Variants in KHDRBS2 observed in about 807,000 individuals in gnomAD.
KHDRBS2 encodes the protein KH domain-containing, RNA-binding, signal transduction-associated protein 2.
Under a neutral mutation model 44.3 loss-of-function variants are expected in KHDRBS2, and 26 were observed. The observed-to-expected ratio is 0.59, with a 90% CI of 0.43 to 0.81. KHDRBS2 has a LOEUF of 0.81. KHDRBS2 is among the 40% of genes least tolerant of loss of function. The pLI is 0.00. For missense variants in KHDRBS2, 476 were observed against 433.1 expected (o/e 1.10, Z -0.88); for synonymous variants, 194 against 151.1 (o/e 1.28, Z -2.08).
At chr6:61,659,634 C>CTT in the KHDRBS2 span, among the ~76,000 whole-genome samples, 2 of 151,688 alleles carry the variant, frequency 1.3e-5, no homozygotes, top group African/African-American at 4.8e-5. Flanking sequence ...CTTCGGTGTT[C>CTT]TTTTCTTGCA....
chr6:62,171,201 A>C (rs557953971), intron 2 of KHDRBS2, among the ~76,000 whole-genome samples: 1 of 152,220 alleles, frequency 6.6e-6, no homozygotes, highest in African/African-American at 2.4e-5. Flanking sequence ...GAAAGTCAAA[A>C]TCTATTCCAA....
chr6:62,229,982 G>A (rs1563100951), intron 1 of KHDRBS2, among the ~76,000 whole-genome samples: 1 of 152,122 alleles, frequency 6.6e-6, no homozygotes, highest in Non-Finnish European at 1.5e-5. Context: ...TTATACATTG[G>A]CATTAGAAAC....
At chr6:61,620,635 C>T in the KHDRBS2 span, among the ~76,000 whole-genome samples, 1 of 152,278 alleles carries the variant, frequency 6.6e-6, no homozygotes, top group Non-Finnish European at 1.5e-5. Context: ...TTAGATCTTC[C>T]TTCAGGAGAA....
At chr6:62,071,015 T>G (rs954171822) in intron 2 of KHDRBS2, among the ~76,000 whole-genome samples, 1 of 152,208 alleles carries the variant, frequency 6.6e-6, no homozygotes, top group African/African-American at 2.4e-5. Flanking sequence ...TTTCCTGAAT[T>G]TTTAATGATC....
At chr6:61,847,300 C>A (rs1483065809) in intron 6 of KHDRBS2, among the ~76,000 whole-genome samples, 2 of 152,132 alleles carry the variant, frequency 1.3e-5, no homozygotes, top group Non-Finnish European at 2.9e-5. Context: ...TTTATCCACT[C>A]TTCGAAATGT....
chr6:62,257,510 T>G (rs1397852025), intron 1 of KHDRBS2, among the ~76,000 whole-genome samples: 2 of 152,074 alleles, frequency 1.3e-5, no homozygotes, highest in African/African-American at 4.8e-5. Context: ...TATTGCTAAT[T>G]TTTACTTTCC....
At chr6:61,576,569 G>A in the KHDRBS2 span, among the ~76,000 whole-genome samples, 10 of 152,000 alleles carry the variant, frequency 6.6e-5, no homozygotes, top group East Asian at 1.9e-4. Context: ...TTTGCCTGAC[G>A]TAATTAAAAG....
At chr6:62,108,367 AG>A (rs1320105930) in intron 2 of KHDRBS2, among the ~76,000 whole-genome samples, 1 of 152,192 alleles carries the variant, frequency 6.6e-6, no homozygotes, top group Non-Finnish European at 1.5e-5. Context: ...ACTGGCCATC[AG>A]GAGAAATGCA....
chr6:61,689,748 C>G (rs1010524988), intron 8 of KHDRBS2, among the ~76,000 whole-genome samples: 1 of 151,842 alleles, frequency 6.6e-6, no homozygotes, highest in Admixed American at 6.6e-5. Context: ...TGTCTTTGTT[C>G]GTCTATTTTC....
At chr6:61,672,452 A>G in the KHDRBS2 span, among the ~76,000 whole-genome samples, 2 of 152,228 alleles carry the variant, frequency 1.3e-5, no homozygotes, top group African/African-American at 4.8e-5. Context: ...ACTAGTTTAC[A>G]GTCCCACCAA....
chr6:61,736,495 C>T (rs1275294456), intron 6 of KHDRBS2, among the ~76,000 whole-genome samples: 1 of 151,926 alleles, frequency 6.6e-6, no homozygotes, highest in African/African-American at 2.4e-5. Flanking sequence ...GGCTTTTGGT[C>T]CTTCACCAAG....
At chr6:61,656,910 CTTAT>C in the KHDRBS2 span, among the ~76,000 whole-genome samples, 2 of 151,900 alleles carry the variant, frequency 1.3e-5, no homozygotes, top group Admixed American at 6.6e-5. Flanking sequence ...TAGATATGTT[CTTAT>C]TTAATCATTG....
At chr6:61,594,806 A>T in the KHDRBS2 span, among the ~76,000 whole-genome samples, 1 of 152,148 alleles carries the variant, frequency 6.6e-6, no homozygotes, top group Non-Finnish European at 1.5e-5. Flanking sequence ...GGTCAAAAAG[A>T]CTTAATTTTG....
At chr6:61,826,585 T>C (rs1255094661) in intron 6 of KHDRBS2, among the ~76,000 whole-genome samples, 1 of 152,126 alleles carries the variant, frequency 6.6e-6, no homozygotes, top group South Asian at 2.1e-4. Context: ...TCTTTTCATT[T>C]ACCCCAGTGA....
chr6:62,046,521 T>C (rs1017515210), intron 3 of KHDRBS2, among the ~76,000 whole-genome samples: 2 of 151,906 alleles, frequency 1.3e-5, no homozygotes, highest in Non-Finnish European at 2.9e-5. Context: ...TGTGAGACCG[T>C]AAAAACACAC....
intron 2 of KHDRBS2, among the ~76,000 whole-genome samples, chr6:62,107,089 C>T (rs1405349406): frequency 6.6e-6 from 1 of 151,694 alleles, no homozygotes; most frequent in Non-Finnish European, 1.5e-5. Flanking sequence ...GAAGTTCTGG[C>T]CAGGGCAATT....
intron 1 of KHDRBS2, among the ~76,000 whole-genome samples, chr6:62,268,194 T>G (rs1839510049): frequency 6.6e-6 from 1 of 152,062 alleles, no homozygotes; most frequent in Admixed American, 6.6e-5. Flanking sequence ...CATTTGCTTT[T>G]GGGGGTAGTA....
chr6:62,277,141 A>G (rs1311209956), intron 1 of KHDRBS2, among the ~76,000 whole-genome samples: 11 of 152,112 alleles, frequency 7.2e-5, no homozygotes, highest in African/African-American at 2.2e-4. Flanking sequence ...TTCCTATATC[A>G]GTGGTCTCTA....
chr6:61,635,404 C>A, the KHDRBS2 span, among the ~76,000 whole-genome samples: 1 of 151,884 alleles, frequency 6.6e-6, no homozygotes, highest in Admixed American at 6.6e-5. Flanking sequence ...GTAATGTCTG[C>A]AAATGAAAGG....
Sources: gnomAD v4.1 joint callset for allele counts (sites outside exome capture counted in the v4.1 genomes callset) on GRCh38, gnomAD v4.1.1 for gene constraint, MANE v1.5 for transcripts, NCBI Gene and HGNC (gene_info 2026-07-23, HGNC 2026-07-21) for gene names.